Variants in GAB2 observed in about 807,000 individuals in gnomAD.
GAB2 encodes GRB2-associated-binding protein 2.
Under a neutral mutation model 65.5 loss-of-function variants are expected in GAB2, and 26 were observed. The observed-to-expected ratio is 0.40, with a 90% confidence interval of 0.29 to 0.55. The LOEUF is 0.55. GAB2 is among the 20% of genes least tolerant of loss of function. The pLI is 0.53. For missense variants in GAB2, 884 were observed against 875.8 expected, an observed-to-expected ratio of 1.01 and a Z score of -0.12; for synonymous variants, 321 against 329.6, an observed-to-expected ratio of 0.97 and a Z score of 0.28.
At chr11:78,278,469 C>T (rs1160634388) in intron 2 of GAB2, among the ~76,000 whole-genome samples, 1 of 150,752 alleles carries the variant, frequency 6.6e-6, no homozygotes. Flanking sequence ...CAACCTCTGC[C>T]TCCTGAGTTC....
At chr11:78,300,663 C>T (rs1472582733) in intron 1 of GAB2, among the ~76,000 whole-genome samples, 1 of 147,834 alleles carries the variant, frequency 6.8e-6, no homozygotes, top group Non-Finnish European at 1.5e-5. Context: ...AATGTTATCT[C>T]ACTGTGTGGT....
intron 3 of GAB2, among the ~76,000 whole-genome samples, chr11:78,239,969 G>A (rs115927883): frequency 0.016 from 2,460 of 152,094 alleles, 70 homozygotes; most frequent in African/African-American, 0.056. Context: ...CTAGCCCAGT[G>A]GCCCAACATT....
At chr11:78,379,877 T>C (rs1373163344) in intron 1 of GAB2, among the ~76,000 whole-genome samples, 1 of 152,184 alleles carries the variant, frequency 6.6e-6, no homozygotes, top group Non-Finnish European at 1.5e-5. Context: ...ACTTGCAAAA[T>C]ACGTGTCAGT....
intron 2 of GAB2, among the ~76,000 whole-genome samples, chr11:78,279,785 T>C (rs4945262): frequency 0.17 from 26,013 of 152,198 alleles, 2,614 homozygotes; most frequent in East Asian, 0.4. Context: ...TATATGTATA[T>C]ACCATATTTG....
chr11:78,353,956 T>C (rs1423311662), intron 1 of GAB2, among the ~76,000 whole-genome samples: 1 of 152,226 alleles, frequency 6.6e-6, no homozygotes, highest in African/African-American at 2.4e-5. Context: ...GACTGAAGGC[T>C]CCCAGCCTAG....
At chr11:78,221,048 G>C (rs928995938) in intron 8 of GAB2, among the ~76,000 whole-genome samples, 4 of 152,200 alleles carry the variant, frequency 2.6e-5, no homozygotes, top group African/African-American at 9.7e-5. Flanking sequence ...TTCTTCAGAT[G>C]ACACGCTCTA....
At chr11:78,312,296 AC>A (rs1396671533) in intron 1 of GAB2, among the ~76,000 whole-genome samples, 1 of 151,932 alleles carries the variant, frequency 6.6e-6, no homozygotes, top group Non-Finnish European at 1.5e-5. Context: ...TACCACCACC[AC>A]CACCACCACC....
At chr11:78,328,784 G>A (rs1436705813) in intron 1 of GAB2, among the ~76,000 whole-genome samples, 2 of 117,124 alleles carry the variant, frequency 1.7e-5, no homozygotes, top group African/African-American at 6.3e-5. Context: ...TGGGGGTGGG[G>A]TGAGAATTGT....
chr11:78,401,383 C>T (rs1856970168), intron 1 of GAB2, among the ~76,000 whole-genome samples: 1 of 152,208 alleles, frequency 6.6e-6, no homozygotes, highest in African/African-American at 2.4e-5. Context: ...TAAGTAGAAT[C>T]ATACAGTATT....
At chr11:78,351,576 C>T (rs1008004562) in intron 1 of GAB2, among the ~76,000 whole-genome samples, 3 of 152,134 alleles carry the variant, frequency 2.0e-5, no homozygotes, top group Non-Finnish European at 4.4e-5. Context: ...CACATCTTCT[C>T]CTTCAATAAT....
intron 1 of GAB2, among the ~76,000 whole-genome samples, chr11:78,406,048 G>A (rs1389193018): frequency 6.6e-6 from 1 of 152,198 alleles, no homozygotes; most frequent in Non-Finnish European, 1.5e-5. Flanking sequence ...GAGGCCAGGT[G>A]ACACCTGCTA....
At chr11:78,222,247 C>T (rs1394268839) in intron 6 of GAB2, 52 bp from the exon 7 acceptor site, 6 of 1,106,932 alleles carry the variant, frequency 5.4e-6, no homozygotes, top group Non-Finnish European at 8.4e-6. Context: ...TAATGCTACA[C>T]ATACACACCT....
intron 2 of GAB2, among the ~76,000 whole-genome samples, chr11:78,251,966 A>G (rs1328110034): frequency 6.6e-6 from 1 of 151,872 alleles, no homozygotes; most frequent in African/African-American, 2.4e-5. Flanking sequence ...CAAAAATTCC[A>G]CTAGTGAAAC....
At chr11:78,347,384 T>C (rs1237934229) in intron 1 of GAB2, among the ~76,000 whole-genome samples, 1 of 152,186 alleles carries the variant, frequency 6.6e-6, no homozygotes, top group Admixed American at 6.5e-5. Context: ...AAACTGACAT[T>C]GAAAACAATG....
intron 1 of GAB2, among the ~76,000 whole-genome samples, chr11:78,412,219 A>G (rs1857139375): frequency 6.6e-6 from 1 of 152,202 alleles, no homozygotes; most frequent in South Asian, 2.1e-4. Flanking sequence ...GCAAATAATC[A>G]TATGAAAAGA....
intron 1 of GAB2, among the ~76,000 whole-genome samples, chr11:78,327,534 A>T (rs1855845253): frequency 6.6e-6 from 1 of 152,208 alleles, no homozygotes; most frequent in Non-Finnish European, 1.5e-5. Flanking sequence ...AAGTGCACAG[A>T]GGTAGCAATA....
At chr11:78,405,163 A>C (rs1028091716) in intron 1 of GAB2, among the ~76,000 whole-genome samples, 5 of 145,946 alleles carry the variant, frequency 3.4e-5, no homozygotes, top group Non-Finnish European at 7.4e-5. Flanking sequence ...CAGTGGCGCA[A>C]TCTCGGCTCA....
chr11:78,264,872 C>T (rs1011150115), intron 2 of GAB2, among the ~76,000 whole-genome samples: 56 of 152,012 alleles, frequency 3.7e-4, no homozygotes, highest in Admixed American at 2.5e-3. Context: ...TTTTAGTTTT[C>T]GGGAGATAAA....
chr11:78,408,325 A>C (rs1196544161), intron 1 of GAB2, among the ~76,000 whole-genome samples: 1 of 152,220 alleles, frequency 6.6e-6, no homozygotes, highest in Admixed American at 6.5e-5. Context: ...TTTAGATTAT[A>C]AGACGACACC....
Sources: gnomAD v4.1 joint callset for allele counts (sites outside exome capture counted in the v4.1 genomes callset) on GRCh38, gnomAD v4.1.1 for gene constraint, MANE v1.5 for transcripts, NCBI Gene and HGNC (gene_info 2026-07-23, HGNC 2026-07-21) for gene names.